SAMD12: variants seen among roughly 807,000 people sequenced by gnomAD.
SAMD12 encodes the protein sterile alpha motif domain containing 12, also known as sterile alpha motif domain-containing protein 12.
In SAMD12, 9 loss-of-function variants were observed where a neutral mutation model predicts 15.0. That is an observed-to-expected ratio of 0.60 (90% confidence interval 0.36 to 1.05). The LOEUF is 1.05. SAMD12 is among the 50% of genes least tolerant of loss of function. SAMD12 has a pLI of 0.01. For synonymous variants in SAMD12, 86 were observed against 90.1 expected (o/e 0.96, Z 0.25); for missense variants, 230 against 234.2 (o/e 0.98, Z 0.12).
the SAMD12 span, among the ~76,000 whole-genome samples, chr8:118,178,745 C>A: frequency 6.6e-6 from 1 of 152,200 alleles, no homozygotes; most frequent in Non-Finnish European, 1.5e-5. Context: ...GTTTTACAGG[C>A]ATGAGCCACC....
chr8:118,381,576 G>C (rs1381322057), intron 3 of SAMD12, among the ~76,000 whole-genome samples: 1 of 152,174 alleles, frequency 6.6e-6, no homozygotes, highest in African/African-American at 2.4e-5. Context: ...AAGTGAAAGA[G>C]GAAGAAGGGA....
chr8:118,393,451 G>A lies in SAMD12; in HGVS notation c.323-13751C>T, dbSNP rs1024792104. On this transcript the variant is annotated intron_variant, in intron 3 of 3. Transcript: ENST00000314727. ...GAGATAGGGTCTCCTTATGCTGCCCGGACTGATCTCAATCACCTGAGCTCG... is the reference window on the plus strand; with the variant it reads ...GAGATAGGGTCTCCTTATGCTGCCCAGACTGATCTCAATCACCTGAGCTCG... 4.6e-5 allele frequency among the ~76,000 whole-genome samples: 7 copies of A among 151,634 alleles called. No individual in the cohort carries two copies. In the East Asian group the frequency reaches 5.8e-4, roughly 13 times the overall value.
chr8:118,551,197 C>T (rs1165904166), intron 2 of SAMD12, among the ~76,000 whole-genome samples: 1 of 152,194 alleles, frequency 6.6e-6, no homozygotes, highest in African/African-American at 2.4e-5. Context: ...CTACAGAACT[C>T]TCCACCCCAA....
intron 4 of SAMD12, among the ~76,000 whole-genome samples, chr8:118,325,293 G>A (rs1816514159): frequency 6.6e-6 from 1 of 152,130 alleles, no homozygotes; most frequent in African/African-American, 2.4e-5. Context: ...TGCTTGCAAA[G>A]GAAAGGTATT....
At position 118,542,011 on chromosome 8, in the gene SAMD12, G is replaced by A. The variant is rs569029761; in HGVS notation, c.192+38704C>T. On this transcript the variant is annotated intron_variant, in intron 2 of 3. Transcript: ENST00000314727. ...AATATTCTGATTCTTGAAAAGGACCGTGCCAAATATCTTAGTGGGGATAAA... is the reference window on the plus strand; with the variant it reads ...AATATTCTGATTCTTGAAAAGGACCATGCCAAATATCTTAGTGGGGATAAA... 1.5e-4 allele frequency among the ~76,000 whole-genome samples: 23 copies of A among 152,202 alleles called. 1 individual carries two copies. The highest frequency in any genetic ancestry group is 4.1e-4 in the African/African-American group (17 of 41,530).
At chr8:118,509,247 T>G (rs535393120) in intron 2 of SAMD12, among the ~76,000 whole-genome samples, 15 of 152,306 alleles carry the variant, frequency 9.8e-5, no homozygotes, top group Admixed American at 9.2e-4. Context: ...AAAGTTCTTA[T>G]GTGAATGGAT....
intron 2 of SAMD12, among the ~76,000 whole-genome samples, chr8:118,569,709 G>A (rs1826953727): frequency 6.6e-6 from 1 of 152,120 alleles, no homozygotes; most frequent in Non-Finnish European, 1.5e-5. Context: ...TGAAAAGGTG[G>A]TCTCTGCAAG....
At chr8:118,436,253 A>G (rs1434321946) in intron 3 of SAMD12, among the ~76,000 whole-genome samples, 1 of 152,208 alleles carries the variant, frequency 6.6e-6, no homozygotes, top group Non-Finnish European at 1.5e-5. Flanking sequence ...AATGCCCATT[A>G]TATGTCAGTC....
chr8:118,488,689 C>T lies in SAMD12; in HGVS notation c.193-48728G>A, dbSNP rs566187483. ...TACAACATCCATATTGTTACACGCACGAGTAATTCATTCTTACTGTGCAGA... is the reference window on the plus strand; with the variant it reads ...TACAACATCCATATTGTTACACGCATGAGTAATTCATTCTTACTGTGCAGA... On this transcript the variant is annotated intron_variant, in intron 2 of 3. Transcript: ENST00000314727. Among the ~76,000 whole-genome samples, 33 of 152,178 alleles carry T rather than the reference C, an allele frequency of 2.2e-4. 1 individual carries two copies. The South Asian group carries it at 5.8e-3, about 27-fold the overall frequency.
At chr8:118,599,393 GC>G (rs546739043) in intron 1 of SAMD12, among the ~76,000 whole-genome samples, 269 of 152,254 alleles carry the variant, frequency 1.8e-3, no homozygotes, top group Non-Finnish European at 2.2e-3. Flanking sequence ...TCTCTCACGT[GC>G]TCCGAGAACC....
At chr8:118,139,709 T>A in the SAMD12 span, among the ~76,000 whole-genome samples, 1 of 152,208 alleles carries the variant, frequency 6.6e-6, no homozygotes, top group Admixed American at 6.5e-5. Context: ...GTTTTAGGAT[T>A]TCATTCTATC....
rs17454910 is a variant in SAMD12, at chr8:118,220,031, A to G, written c.434-22299T>C. ...AATGATATCCTTATTATGAACATTC[A>G]AGTACGTATTACTCTTGTTAAAGCT... On this transcript the variant is annotated intron_variant, in intron 4 of 4. Transcript: ENST00000409003. 9.8e-5 allele frequency among the ~76,000 whole-genome samples: 15 copies of G among 152,366 alleles called. No individual in the cohort carries two copies. In the East Asian group the frequency reaches 2.9e-3, roughly 29 times the overall value.
intron 2 of SAMD12, among the ~76,000 whole-genome samples, chr8:118,474,386 AT>A (rs543422846): frequency 4.6e-5 from 7 of 151,058 alleles, no homozygotes; most frequent in African/African-American, 1.5e-4. Flanking sequence ...CAATAAAACA[AT>A]TTTTTTTGTT....
intron 3 of SAMD12, among the ~76,000 whole-genome samples, chr8:118,431,016 A>G (rs746566901): frequency 9.2e-5 from 14 of 152,040 alleles, no homozygotes; most frequent in African/African-American, 1.4e-4. Context: ...ATTTCATTTT[A>G]TCTTCTCAAC....
the SAMD12 span, among the ~76,000 whole-genome samples, chr8:118,183,776 C>A: frequency 6.6e-6 from 1 of 152,168 alleles, no homozygotes; most frequent in East Asian, 1.9e-4. Flanking sequence ...ACTCATCACC[C>A]AAGTAGTGTA....
At chr8:118,287,371 C>T (rs935502123) in intron 4 of SAMD12, among the ~76,000 whole-genome samples, 3 of 149,232 alleles carry the variant, frequency 2.0e-5, no homozygotes, top group East Asian at 2.2e-4. Flanking sequence ...GTGATCCGCC[C>T]GCCTCGGCCT....
chr8:118,509,903 A>G (rs1003966491), intron 2 of SAMD12, among the ~76,000 whole-genome samples: 3 of 152,232 alleles, frequency 2.0e-5, no homozygotes, highest in Non-Finnish European at 4.4e-5. Context: ...AACGTACAAC[A>G]GATTTTAATA....
At chr8:118,543,354 G>A (rs1306085834) in intron 2 of SAMD12, among the ~76,000 whole-genome samples, 3 of 152,136 alleles carry the variant, frequency 2.0e-5, no homozygotes, top group Non-Finnish European at 4.4e-5. Flanking sequence ...CACTCATTCC[G>A]AGTCTCTAAT....
chr8:118,137,341 G>A, the SAMD12 span, among the ~76,000 whole-genome samples: 2 of 152,178 alleles, frequency 1.3e-5, no homozygotes, highest in African/African-American at 4.8e-5. Flanking sequence ...CCATGTAAAC[G>A]TCTGATTTGT....
Sources: allele counts gnomAD v4.1 joint callset (sites outside exome capture counted in the v4.1 genomes callset), GRCh38; gene constraint gnomAD v4.1.1; transcripts MANE v1.5; gene names NCBI Gene and HGNC (gene_info 2026-07-23, HGNC 2026-07-21).